ARHGEF4: variants seen among roughly 807,000 people sequenced by gnomAD.
ARHGEF4 encodes the protein APC-stimulated guanine nucleotide exchange factor 1.
ARHGEF4 carries 119 observed loss-of-function variants against 162.0 expected under a neutral mutation model. That is an observed-to-expected ratio of 0.73 (90% CI 0.63 to 0.86). ARHGEF4 has a LOEUF of 0.86. ARHGEF4 is among the 40% of genes least tolerant of loss of function. The pLI is 0.00. For missense variants in ARHGEF4, 2,488 were observed against 2,456.0 expected (o/e 1.01, Z -0.28); for synonymous variants, 1,014 against 979.9 (o/e 1.03, Z -0.65).
intron 2 of ARHGEF4, among the ~76,000 whole-genome samples, chr2:130,919,084 C>CT (rs1341034548): frequency 6.6e-6 from 1 of 152,162 alleles, no homozygotes; most frequent in Non-Finnish European, 1.5e-5. Flanking sequence ...TTCTTGCTTG[C>CT]TTAATACAGC....
chr2:130,984,439 C>G (rs1686335735), intron 4 of ARHGEF4, among the ~76,000 whole-genome samples: 1 of 152,150 alleles, frequency 6.6e-6, no homozygotes, highest in African/African-American at 2.4e-5. Context: ...ACCTGTAATC[C>G]CAGCACTTTG....
intron 4 of ARHGEF4, 30 bp from the exon 5 acceptor site, chr2:131,027,915 C>G (rs753591122): frequency 6.2e-7 from 1 of 1,612,678 alleles, no homozygotes; most frequent in East Asian, 2.2e-5. Flanking sequence ...AGCCCAGCCC[C>G]CTTTGCCCAG....
In ARHGEF4 at chr2:131,004,309, G is replaced by GC. The variant is rs1172623107; in HGVS notation, c.3986-23631dup. On this transcript the variant is annotated intron_variant, in intron 4 of 13. Transcript: ENST00000409359. Reference sequence around the variant, plus strand: ...GCTTCCCGAGTAGCTGGGACTACAGGCCCCCGCCACCATGCTTGTCTAATT... The same window carrying GC: ...GCTTCCCGAGTAGCTGGGACTACAGGCCCCCCGCCACCATGCTTGTCTAATT... Among the ~76,000 whole-genome samples, 5 of 152,230 alleles carry GC rather than the reference G, an allele frequency of 3.3e-5. No homozygotes were observed. In the East Asian group the frequency reaches 9.6e-4, roughly 29 times the overall value.
chr2:130,951,830 C>A (rs1307947660), intron 4 of ARHGEF4, among the ~76,000 whole-genome samples: 2 of 152,058 alleles, frequency 1.3e-5, no homozygotes, highest in African/African-American at 4.8e-5. Flanking sequence ...TTCCCTTCCC[C>A]CTTTTTGTGT....
At chr2:130,847,851 T>C (rs1002215484) in intron 1 of ARHGEF4, among the ~76,000 whole-genome samples, 4 of 152,250 alleles carry the variant, frequency 2.6e-5, no homozygotes, top group Non-Finnish European at 4.4e-5. Flanking sequence ...CTGGCTCCAC[T>C]GCCCCTGGCA....
intron 1 of ARHGEF4, among the ~76,000 whole-genome samples, chr2:130,905,128 T>G (rs896972765): frequency 1.1e-4 from 16 of 152,180 alleles, no homozygotes; most frequent in African/African-American, 3.6e-4. Flanking sequence ...TATTTCAATG[T>G]TTTTTAATAT....
At chr2:131,008,660 T>G (rs1460392973) in intron 4 of ARHGEF4, among the ~76,000 whole-genome samples, 1 of 152,190 alleles carries the variant, frequency 6.6e-6, no homozygotes, top group Non-Finnish European at 1.5e-5. Flanking sequence ...AAATCCTATC[T>G]TTATTATTGG....
At chr2:131,011,876 G>A (rs776032382) in intron 4 of ARHGEF4, 9 of 704,492 alleles carry the variant, frequency 1.3e-5, no homozygotes, top group Middle Eastern at 2.3e-4. Context: ...GTGTGGGGGC[G>A]GCGGAGGGGC....
chr2:130,915,671 C>A lies in ARHGEF4; in HGVS notation c.1725C>A (p.Asp575Glu), dbSNP rs772833913. Residue 575 changes from aspartate to glutamate, a missense_variant, in exon 2 of 14, where the codon GAC becomes GAA. By Grantham distance (45) the Asp-to-Glu change is conservative. Coordinates refer to ENST00000409359, the MANE Select transcript of ARHGEF4 (RefSeq NM_001367493.1). ...SKAAEEAMVL[D>E]PNYREQALQG... The stretch of plus-strand genomic sequence containing the variant: ...CAGCCGAAGAAGCCATGGTTCTAGA[C>A]CCCAACTACAGGGAACAGGCTTTGC... 4.7e-5 allele frequency: 73 copies of A among 1,550,370 alleles called. No homozygotes were observed. In the African/African-American group the frequency reaches 6.0e-4, roughly 13 times the overall value.
chr2:130,928,891 A>C (rs1251178222), intron 2 of ARHGEF4, among the ~76,000 whole-genome samples: 1 of 152,120 alleles, frequency 6.6e-6, no homozygotes, highest in East Asian at 1.9e-4. Flanking sequence ...GGACAGCCTG[A>C]GCTACCTTGC....
chr2:130,889,491 G>T (rs540831111), intron 1 of ARHGEF4, among the ~76,000 whole-genome samples: 1 of 152,070 alleles, frequency 6.6e-6, no homozygotes, highest in South Asian at 2.1e-4. Flanking sequence ...GCTACTGTGG[G>T]TGAATTTTCT....
Position 130,915,147 on chromosome 2 carries a change from C to T in ARHGEF4, c.1201C>T (p.Gln401Ter). Reference protein sequence around the residue: ...PAFQSGAPHLQGPCKPGGFRL... With the variant: ...PAFQSGAPHL ...TTTTCAGAGTGGGGCTCCCCATCTG[C>T]AGGGTCCCTGCAAGCCTGGTGGGTT... is the stretch of plus-strand genomic sequence containing the variant. Residue 401 changes from glutamine to a stop codon, truncating the protein, a stop_gained, in exon 2 of 14, where the codon CAG (glutamine) becomes TAG (stop). Transcript: ENST00000409359. LOFTEE classifies it high-confidence loss of function. 2.6e-6 allele frequency: 4 copies of T among 1,550,658 alleles called. 2 individuals carry two copies.
intron 1 of ARHGEF4, among the ~76,000 whole-genome samples, chr2:130,911,707 T>G (rs1290608433): frequency 6.6e-6 from 1 of 152,162 alleles, no homozygotes; most frequent in African/African-American, 2.4e-5. Flanking sequence ...GGCTTTTGTT[T>G]TCATTGAGAC....
At chr2:130,948,639 A>G (rs1215938513) in intron 4 of ARHGEF4, among the ~76,000 whole-genome samples, 1 of 152,250 alleles carries the variant, frequency 6.6e-6, no homozygotes, top group Non-Finnish European at 1.5e-5. Flanking sequence ...TCATGCCACC[A>G]GTGACATCCA....
chr2:131,034,566 T>C (rs1321388298), intron 5 of ARHGEF4, among the ~76,000 whole-genome samples: 1 of 152,176 alleles, frequency 6.6e-6, no homozygotes, highest in East Asian at 1.9e-4. Context: ...CTGAGCAGAA[T>C]CCCTAACCTT....
At position 130,926,052 on chromosome 2, in the gene ARHGEF4, T is replaced by TTCTTTCTTTCTTTC. The variant is rs1559043897; in HGVS notation, c.3553-4898_3553-4885dup. Among the ~76,000 whole-genome samples the TTCTTTCTTTCTTTC allele has an allele frequency of 6.4e-3, 628 of 98,154 alleles. 8 individuals are homozygous for TTCTTTCTTTCTTTC. Among genetic ancestry groups the TTCTTTCTTTCTTTC allele is most frequent in the African/African-American group, 0.023 (566 of 24,396 alleles). The allele number at this position is 98,154 out of a possible 152,430, so 64.4% of individuals were successfully genotyped here. A position where few individuals can be genotyped will look rare whatever the true frequency, so the allele number is the denominator to read the frequency against. ...TCTTTCTTTCTTTCTTTCTTTCTCT[T>TTCTTTCTTTCTTTC]TCTTTCTTTCTTTCTTTCTTTCTTT... On this transcript the variant is annotated intron_variant, in intron 2 of 13. Coordinates refer to ENST00000409359, the MANE Select transcript of ARHGEF4 (RefSeq NM_001367493.1).
At chr2:131,045,492 C>G (rs1037908446) in intron 13 of ARHGEF4, 46 bp downstream of exon 13, 1 of 1,613,650 alleles carries the variant, frequency 6.2e-7, no homozygotes, top group Non-Finnish European at 8.5e-7. Flanking sequence ...GGTCCTTACC[C>G]TGCTGACATC....
chr2:130,942,134 GT>G (rs774486305), intron 3 of ARHGEF4, among the ~76,000 whole-genome samples: 11 of 140,868 alleles, frequency 7.8e-5, no homozygotes, highest in Non-Finnish European at 1.4e-4. Flanking sequence ...TGGTTTGGTA[GT>G]TTTTTTTTTC....
chr2:130,846,874 C>T lies in ARHGEF4; in HGVS notation c.39+9882C>T, dbSNP rs573733302. Among the ~76,000 whole-genome samples, 6 of 152,122 alleles carry T rather than the reference C, an allele frequency of 3.9e-5. No individual in the cohort carries two copies. In the South Asian group the frequency reaches 8.3e-4, roughly 21 times the overall value. On this transcript the variant is annotated intron_variant, in intron 1 of 13. Transcript: ENST00000409359. ...ATCGTGAGGTGGAAGTTGTGGGCCCCGGGGGTCGAGTTATGTGACACGGGT... is the reference window on the plus strand; with the variant it reads ...ATCGTGAGGTGGAAGTTGTGGGCCCTGGGGGTCGAGTTATGTGACACGGGT...
Sources: gnomAD v4.1 joint callset for allele counts (sites outside exome capture counted in the v4.1 genomes callset) on GRCh38, gnomAD v4.1.1 for gene constraint, MANE v1.5 for transcripts, NCBI Gene and HGNC (gene_info 2026-07-23, HGNC 2026-07-21) for gene names.